ZC3H6: variants seen among roughly 807,000 people sequenced by gnomAD.
The protein encoded by ZC3H6 is zinc finger CCCH-type containing 6.
ZC3H6 carries 40 observed loss-of-function variants against 107.7 expected under a neutral mutation model. That is an observed-to-expected ratio of 0.37 (90% CI 0.29 to 0.48). The LOEUF is 0.48. Ranked by LOEUF, ZC3H6 falls within the 20% of genes least tolerant of loss-of-function variation. The pLI, the probability that ZC3H6 is intolerant of heterozygous loss-of-function variation, is 0.98. For synonymous variants in ZC3H6, 493 were observed against 487.9 expected (o/e 1.01, Z -0.14); for missense variants, 1,267 against 1,410.4 (o/e 0.90, Z 1.63).
At chr2:112,328,485 T>G (rs1676955782) in intron 11 of ZC3H6, among the ~76,000 whole-genome samples, 1 of 152,188 alleles carries the variant, frequency 6.6e-6, no homozygotes, top group Admixed American at 6.5e-5. Context: ...ATCTTTCCAA[T>G]TTTTGGTGTC....
chr2:112,334,235 A>G lies in ZC3H6; in HGVS notation c.*1747A>G, dbSNP rs753333527. The G allele has an allele frequency of 1.3e-4, 20 of 152,160 alleles. No homozygotes were observed. Among genetic ancestry groups the G allele is most frequent in the Non-Finnish European group, 2.6e-4 (18 of 67,978 alleles). The allele number at this position is 152,160 out of a possible 1,614,324, so 9.4% of individuals were successfully genotyped here. A position where few individuals can be genotyped will look rare whatever the true frequency, so the allele number is the denominator to read the frequency against. ...GTTAATTGAGAAGTCAATAAAATGG[A>G]TTAAACTGACAGAAAAAAAACATAT... On this transcript the variant is annotated 3_prime_UTR_variant, in exon 12 of 12. Transcript: ENST00000409871.
At position 112,287,753 on chromosome 2, in the gene ZC3H6, C is replaced by T. The variant is rs540786419; in HGVS notation, c.32+11727C>T. On this transcript the variant is annotated intron_variant, in intron 1 of 11. Transcript: ENST00000409871. ...CATAGCTGGGACTACAGGCGCATGC[C>T]ACCACGCCCGGCTAATTTTTTTGTA... Among the ~76,000 whole-genome samples the T allele has an allele frequency of 1.6e-4, 25 of 152,300 alleles. No individual in the cohort carries two copies. The South Asian group carries it at 5.0e-3, about 30-fold the overall frequency.
chr2:112,332,612 T>A lies in ZC3H6; in HGVS notation c.*124T>A. 1 of 935,230 alleles carries A rather than the reference T, an allele frequency of 1.1e-6. No homozygotes were observed. The allele number at this position is 935,230 out of a possible 1,614,324, so 57.9% of individuals were successfully genotyped here. A position where few individuals can be genotyped will look rare whatever the true frequency, so the allele number is the denominator to read the frequency against. ...TATAAACACTTTTCAGCTGCTAGTA[T>A]CAGAACCACATGAAGTTATAGCCTC... On this transcript the variant is annotated 3_prime_UTR_variant, in exon 12 of 12. Coordinates refer to ENST00000409871, the MANE Select transcript of ZC3H6 (RefSeq NM_198581.3).
In ZC3H6 at chr2:112,321,766, A is replaced by C; in HGVS notation, c.987A>C (p.Pro329=). ...AATATTTTTATTTACATGAATTTCCATGCAAGTTCTATCATAGTGGAGCAA... is the reference window on the plus strand; with the variant it reads ...AATATTTTTATTTACATGAATTTCCCTGCAAGTTCTATCATAGTGGAGCAA... ...ENCIYMHNEF[P]CKFYHSGAKC... The change falls in exon 8 of 12, where the codon CCA becomes CCC. Residue 329 remains proline (P), a synonymous_variant. Transcript: ENST00000409871. 1 of 1,503,220 alleles carries C rather than the reference A, an allele frequency of 6.7e-7. No individual in the cohort carries two copies. Among genetic ancestry groups the C allele is most frequent in the Non-Finnish European group, 8.9e-7 (1 of 1,123,154 alleles). 93.1% of individuals were successfully genotyped at this position (1,503,220 alleles called of 1,614,324 possible).
At chr2:112,326,321 C>G (rs1676905821) in intron 11 of ZC3H6, among the ~76,000 whole-genome samples, 1 of 152,100 alleles carries the variant, frequency 6.6e-6, no homozygotes, top group East Asian at 1.9e-4. Context: ...TTCTTTTAAA[C>G]TTTTGGTACC....
chr2:112,324,786 T>C (rs1177388411), intron 10 of ZC3H6, 123 bp downstream of exon 10: 2 of 1,194,514 alleles, frequency 1.7e-6, no homozygotes, highest in Non-Finnish European at 2.3e-6. Context: ...ATTGAAACCT[T>C]AAAATGTTTT....
At position 112,337,652 on chromosome 2, in the gene ZC3H6, C is replaced by G. The variant is rs1171198610; in HGVS notation, c.*5164C>G. 1.3e-5 allele frequency: 2 copies of G among 151,700 alleles called. No homozygotes were observed. The highest frequency in any genetic ancestry group is 6.6e-5 in the Admixed American group (1 of 15,202). 9.4% of individuals were successfully genotyped at this position (151,700 alleles called of 1,614,324 possible). ...TTTATTTATTTTTTTGAGACAGTCT[C>G]ACTTTGTCGCTCAGGCTGAAGTGCA... On this transcript the variant is annotated 3_prime_UTR_variant, in exon 12 of 12. Transcript: ENST00000409871.
Position 112,333,908 on chromosome 2 carries a change from T to C in ZC3H6, c.*1420T>C, listed in dbSNP as rs1289755318. 6.6e-6 allele frequency: 1 copy of C among 152,114 alleles called. No individual in the cohort carries two copies. The highest frequency in any genetic ancestry group is 1.5e-5 in the Non-Finnish European group (1 of 67,970). 9.4% of individuals were successfully genotyped at this position (152,114 alleles called of 1,614,324 possible). On this transcript the variant is annotated 3_prime_UTR_variant, in exon 12 of 12. Transcript: ENST00000409871. ...AAAATATTTCGTGGGAACCTAACAC[T>C]CACATAGCATATGGTTTATTAATAA...
At position 112,299,105 on chromosome 2, in the gene ZC3H6, G is replaced by A. The variant is rs894329103; in HGVS notation, c.33-744G>A. On this transcript the variant is annotated intron_variant, in intron 1 of 11. Transcript: ENST00000409871. Reference sequence around the variant, plus strand: ...ATCCTGGCTAACACGGTGAAACCCCGTCTCTACTAAAAATACAAAAAATTA... The same window carrying A: ...ATCCTGGCTAACACGGTGAAACCCCATCTCTACTAAAAATACAAAAAATTA... 8.6e-5 allele frequency among the ~76,000 whole-genome samples: 13 copies of A among 151,954 alleles called. No homozygotes were observed. In the East Asian group the frequency reaches 1.6e-3, roughly 18 times the overall value.
Position 112,302,149 on chromosome 2 carries a change from G to A in ZC3H6, c.214-1080G>A, listed in dbSNP as rs536037954. ...TTTTTCAGGTGAAAGGTTTTCCTTA[G>A]AGCTGGAGCTGACTTCTGATGGTGA... On this transcript the variant is annotated intron_variant, in intron 2 of 11. Coordinates refer to ENST00000409871, the MANE Select transcript of ZC3H6 (RefSeq NM_198581.3). 3.9e-5 allele frequency among the ~76,000 whole-genome samples: 6 copies of A among 152,212 alleles called. No homozygotes were observed. The East Asian group carries it at 1.2e-3, about 29-fold the overall frequency.
intron 1 of ZC3H6, among the ~76,000 whole-genome samples, chr2:112,276,441 G>A (rs560281508): frequency 4.4e-5 from 6 of 137,440 alleles, no homozygotes; most frequent in African/African-American, 1.8e-4. Context: ...ACTGCTTCCC[G>A]AGAACCGAGA....
intron 1 of ZC3H6, among the ~76,000 whole-genome samples, chr2:112,287,287 T>G (rs1291735848): frequency 1.3e-5 from 2 of 152,076 alleles, no homozygotes; most frequent in Non-Finnish European, 2.9e-5. Context: ...GTAAATCAAT[T>G]CTAGCTTAGA....
At chr2:112,310,201 C>G (rs763207900) in intron 4 of ZC3H6, 40 bp downstream of exon 4, 2 of 1,568,664 alleles carry the variant, frequency 1.3e-6, no homozygotes, top group South Asian at 2.4e-5. Context: ...ATGTGAGAAC[C>G]TTATTAAAAC....
At chr2:112,280,829 G>A (rs1217661392) in intron 1 of ZC3H6, among the ~76,000 whole-genome samples, 4 of 152,160 alleles carry the variant, frequency 2.6e-5, no homozygotes, top group South Asian at 2.1e-4. Flanking sequence ...ATGGGGAAAC[G>A]GATTAAATTT....
intron 1 of ZC3H6, among the ~76,000 whole-genome samples, chr2:112,278,595 A>G (rs1216379004): frequency 6.6e-6 from 1 of 152,252 alleles, no homozygotes. Context: ...TTGGGATTAC[A>G]GGGGTGAGCC....
At chr2:112,324,805 C>A in intron 10 of ZC3H6, 142 bp downstream of exon 10, 1 of 1,168,066 alleles carries the variant, frequency 8.6e-7, no homozygotes, top group Non-Finnish European at 1.2e-6. Context: ...TTCAGTTTGC[C>A]AAACTTTTGA....
At chr2:112,277,361 G>A (rs1255273006) in intron 1 of ZC3H6, among the ~76,000 whole-genome samples, 1 of 151,964 alleles carries the variant, frequency 6.6e-6, no homozygotes, top group Non-Finnish European at 1.5e-5. Flanking sequence ...ACAAACCAAT[G>A]ATGGGGTTTT....
intron 2 of ZC3H6, among the ~76,000 whole-genome samples, chr2:112,301,488 GA>G (rs1453371879): frequency 6.6e-6 from 1 of 152,114 alleles, no homozygotes; most frequent in Non-Finnish European, 1.5e-5. Flanking sequence ...GATAACCCTA[GA>G]GCTATGAAGC....
At chr2:112,308,404 T>TTTA (rs1553493700) in intron 3 of ZC3H6, among the ~76,000 whole-genome samples, 43 of 138,310 alleles carry the variant, frequency 3.1e-4, no homozygotes, top group African/African-American at 9.4e-4. Flanking sequence ...TTTTATTTTA[T>TTTA]TTTATTTATT....
Sources: gnomAD v4.1 joint callset for allele counts (sites outside exome capture counted in the v4.1 genomes callset) on GRCh38, gnomAD v4.1.1 for gene constraint, MANE v1.5 for transcripts, NCBI Gene and HGNC (gene_info 2026-07-23, HGNC 2026-07-21) for gene names.